Variants in CCDC106 observed in about 807,000 individuals in gnomAD.
The protein encoded by CCDC106 is coiled-coil domain-containing protein 106.
CCDC106 carries 17 observed loss-of-function variants against 24.7 expected under a neutral mutation model. That is an observed-to-expected ratio of 0.69 (90% CI 0.47 to 1.03). The LOEUF (loss-of-function observed/expected upper bound fraction) is 1.03, where lower values mean the gene tolerates loss of function less well. CCDC106 is among the 50% of genes least tolerant of loss of function. The probability of loss-of-function intolerance (pLI) is 0.00; values close to 1 mark genes in which losing one functional copy is unlikely to be tolerated. For missense variants in CCDC106, 337 were observed against 388.9 expected (o/e 0.87, Z 1.12); for synonymous variants, 211 against 161.3 (o/e 1.31, Z -2.34).
At position 55,651,173 on chromosome 19, in the gene CCDC106, A is replaced by G. The variant is rs1254695987; in HGVS notation, c.314-110A>G. On this transcript the variant is annotated intron_variant, in intron 3 of 4. Transcript: ENST00000586790. Reference sequence around the variant, plus strand: ...CCTTGTCTCTCTGTCTCTTTAGGGGACCAGCCCAGGTTGGGGGATCCAGTT... The same window carrying G: ...CCTTGTCTCTCTGTCTCTTTAGGGGGCCAGCCCAGGTTGGGGGATCCAGTT... 3 of 835,746 alleles carry G rather than the reference A, an allele frequency of 3.6e-6. No individual in the cohort carries two copies. In the Admixed American group the frequency reaches 5.5e-5, roughly 15 times the overall value. 51.8% of individuals were successfully genotyped at this position (835,746 alleles called of 1,614,324 possible). A position where few individuals can be genotyped will look rare whatever the true frequency, so the allele number is the denominator to read the frequency against.
Position 55,651,819 on chromosome 19 carries a change from G to A in CCDC106, c.526+324G>A, listed in dbSNP as rs553746744. Reference sequence around the variant, plus strand: ...TGGGACTACAGGCACCCGCCACCACGCCTGGCTAATTTTTTGTATTTTTAG... The same window carrying A: ...TGGGACTACAGGCACCCGCCACCACACCTGGCTAATTTTTTGTATTTTTAG... On this transcript the variant is annotated intron_variant, in intron 4 of 4. Coordinates refer to ENST00000586790, the MANE Select transcript of CCDC106 (RefSeq NM_001370470.1). Among the ~76,000 whole-genome samples the A allele has an allele frequency of 8.7e-4, 133 of 152,080 alleles. 2 individuals are homozygous for A. The highest frequency in any genetic ancestry group is 1.2e-3 in the Non-Finnish European group (82 of 67,966).
chr19:55,652,987 A>C lies in CCDC106; in HGVS notation c.*241A>C. ...TCGCCGGGCCCCTTCCTCCTGGAAA[A>C]CCAGGCAGGCGGGTGCCCCCCCCTC... On this transcript the variant is annotated 3_prime_UTR_variant, in exon 5 of 5. Transcript: ENST00000586790. This position sits in a 1 kb window ranked among gnomAD's most constrained non-coding sequence, Gnocchi z 5.9. The C allele has an allele frequency of 8.4e-6, 4 of 478,342 alleles. No individual in the cohort carries two copies. The highest frequency in any genetic ancestry group is 3.7e-5 in the East Asian group (1 of 27,098). The allele number at this position is 478,342 out of a possible 1,614,324, so 29.6% of individuals were successfully genotyped here.
Position 55,652,415 on chromosome 19 carries a change from G to A in CCDC106, c.527-15G>A. The A allele has an allele frequency of 1.9e-6, 3 of 1,575,330 alleles. No individual in the cohort carries two copies. Among genetic ancestry groups the A allele is most frequent in the Admixed American group, 1.8e-5 (1 of 56,676 alleles). ...CCCTGCCCCTCACTTTCGTGTCCCCGCCTCCACCCCTCAGTGAAGGACGCC... is the reference window on the plus strand; with the variant it reads ...CCCTGCCCCTCACTTTCGTGTCCCCACCTCCACCCCTCAGTGAAGGACGCC... On this transcript the variant is annotated splice_polypyrimidine_tract_variant and intron_variant, in intron 4 of 4. Transcript: ENST00000586790. This position sits in a 1 kb window ranked among gnomAD's most constrained non-coding sequence, Gnocchi z 5.9.
chr19:55,648,866 C>T lies in CCDC106; in HGVS notation c.-181C>T. On this transcript the variant is annotated 5_prime_UTR_variant, in exon 1 of 5. Coordinates refer to ENST00000586790, the MANE Select transcript of CCDC106 (RefSeq NM_001370470.1). Reference sequence around the variant, plus strand: ...AAGCCCAGGCGCGTTTTGCCTCAGTCCTGGGGTCCAGGCTCCCTCCTCCCT... The same window carrying T: ...AAGCCCAGGCGCGTTTTGCCTCAGTTCTGGGGTCCAGGCTCCCTCCTCCCT... The T allele has an allele frequency of 2.9e-6, 2 of 698,156 alleles. No homozygotes were observed. The highest frequency in any genetic ancestry group is 2.5e-6 in the Non-Finnish European group (1 of 398,602). 43.2% of individuals were successfully genotyped at this position (698,156 alleles called of 1,614,324 possible). A position where few individuals can be genotyped will look rare whatever the true frequency, so the allele number is the denominator to read the frequency against.
Position 55,648,934 on chromosome 19 carries a change from C to T in CCDC106, c.-113C>T. 2.8e-6 allele frequency: 3 copies of T among 1,059,372 alleles called. No homozygotes were observed. Among genetic ancestry groups the T allele is most frequent in the South Asian group, 2.5e-5 (2 of 78,476 alleles). The allele number at this position is 1,059,372 out of a possible 1,614,324, so 65.6% of individuals were successfully genotyped here. A position where few individuals can be genotyped will look rare whatever the true frequency, so the allele number is the denominator to read the frequency against. The stretch of plus-strand genomic sequence containing the variant: ...CCAGAAGGTCCCTCCTGTCTCACTT[C>T]ACCTCCCCCAGGATGGACCCTCCAG... On this transcript the variant is annotated 5_prime_UTR_variant, in exon 1 of 5. Coordinates refer to ENST00000586790, the MANE Select transcript of CCDC106 (RefSeq NM_001370470.1).
Position 55,649,241 on chromosome 19 carries a change from T to G in CCDC106, c.68T>G (p.Phe23Cys). The G allele has an allele frequency of 6.2e-7, 1 of 1,614,074 alleles. No individual in the cohort carries two copies. Among genetic ancestry groups the G allele is most frequent in the Non-Finnish European group, 8.5e-7 (1 of 1,179,986 alleles). The stretch of plus-strand genomic sequence containing the variant: ...GAGACCTTCGAGATCTCCATTCCCT[T>G]CGATGAGGCACCCCACCTAGACCCA... Reference protein sequence around the residue: ...DDETFEISIPFDEAPHLDPQI... With the variant: ...DDETFEISIPCDEAPHLDPQI... The change falls in exon 2 of 5, where the codon TTC (phenylalanine) becomes TGC (cysteine). Residue 23 changes from phenylalanine to cysteine, a missense_variant. Coordinates refer to ENST00000586790, the MANE Select transcript of CCDC106 (RefSeq NM_001370470.1).
chr19:55,651,589 C>G, intron 4 of CCDC106, 94 bp downstream of exon 4: 1 of 881,112 alleles, frequency 1.1e-6, no homozygotes, highest in Non-Finnish European at 1.7e-6. Context: ...CCAAGCCCCT[C>G]CAGCCTTGCT....
rs1238337288 is a variant in CCDC106 at position 55,652,407 on chromosome 19, G to C, written c.527-23G>C. The C allele has an allele frequency of 6.4e-7, 1 of 1,567,304 alleles. No homozygotes were observed. The highest frequency in any genetic ancestry group is 1.2e-5 in the South Asian group (1 of 86,014). On this transcript the variant is annotated intron_variant, in intron 4 of 4. Coordinates refer to ENST00000586790, the MANE Select transcript of CCDC106 (RefSeq NM_001370470.1). The surrounding 1 kb of genome is among the most constrained non-coding windows in gnomAD (Gnocchi z 5.9). ...GTCTTGTGCCCTGCCCCTCACTTTC[G>C]TGTCCCCGCCTCCACCCCTCAGTGA...
Position 55,652,720 on chromosome 19 carries a change from C to T in CCDC106, c.817C>T (p.Pro273Ser). Residue 273 changes from proline (P) to serine (S), a missense_variant, in exon 5 of 5, where the codon CCC (proline) becomes TCC (serine). This residue lies in a region of CCDC106 where 103 missense variants were observed against 152.4 expected (regional missense o/e 0.68). Coordinates refer to ENST00000586790, the MANE Select transcript of CCDC106 (RefSeq NM_001370470.1). The surrounding 1 kb of genome is among the most constrained non-coding windows in gnomAD (Gnocchi z 5.9). ...GCTCAAGAAGAGCAAGCTGCTGCTGCCCATCACCTACCGCTTCAAGCGGTG... is the reference window on the plus strand; with the variant it reads ...GCTCAAGAAGAGCAAGCTGCTGCTGTCCATCACCTACCGCTTCAAGCGGTG... ...QALKKSKLLL[P>S]ITYRFKR The T allele has an allele frequency of 6.2e-7, 1 of 1,612,478 alleles. No individual in the cohort carries two copies. Among genetic ancestry groups the T allele is most frequent in the East Asian group, 2.2e-5 (1 of 44,866 alleles).
Position 55,649,438 on chromosome 19 carries a change from C to A in CCDC106, c.167C>A (p.Ala56Asp), listed in dbSNP as rs140299128. ...CCGGAGGCTGCGTCCTCCGCCCTGG[C>A]TCTGATGAACAGCGTCAAGACCCAG... ...EPPEAASSAL[A>D]LMNSVKTQLH... Residue 56 changes from alanine (A) to aspartate (D), a missense_variant, in exon 3 of 5, where the codon GCT (alanine) becomes GAT (aspartate). Ala to Asp is a moderately radical substitution (Grantham distance 126, BLOSUM62 -2). This residue lies in a region of CCDC106 where 234 missense variants were observed against 236.5 expected (regional missense o/e 0.99). Coordinates refer to ENST00000586790, the MANE Select transcript of CCDC106 (RefSeq NM_001370470.1). 3 of 1,614,140 alleles carry A rather than the reference C, an allele frequency of 1.9e-6. No homozygotes were observed. In the Middle Eastern group the frequency reaches 4.9e-4, roughly 266 times the overall value.
rs1983023755 is a variant in CCDC106 at position 55,648,641 on chromosome 19, G to T, written c.-406G>T. The T allele has an allele frequency of 7.9e-6, 2 of 251,806 alleles. No homozygotes were observed. The allele number at this position is 251,806 out of a possible 1,614,324, so 15.6% of individuals were successfully genotyped here. ...TGCACCTGCCTCTTCCTTAGGCCTG[G>T]CAGTGGCCCGCGATGAGAGAGGGTC... On this transcript the variant is annotated 5_prime_UTR_variant, in exon 1 of 5. Coordinates refer to ENST00000586790, the MANE Select transcript of CCDC106 (RefSeq NM_001370470.1).
rs1600056435 is a variant in CCDC106 at position 55,649,705 on chromosome 19, G to A, written c.313+121G>A. 24 of 905,774 alleles carry A rather than the reference G, an allele frequency of 2.6e-5. No homozygotes were observed. The East Asian group carries it at 6.3e-4, about 24-fold the overall frequency. 56.1% of individuals were successfully genotyped at this position (905,774 alleles called of 1,614,324 possible). A position where few individuals can be genotyped will look rare whatever the true frequency, so the allele number is the denominator to read the frequency against. On this transcript the variant is annotated intron_variant, in intron 3 of 4. Coordinates refer to ENST00000586790, the MANE Select transcript of CCDC106 (RefSeq NM_001370470.1). ...GGGACCTGCCATGTTGGCCCTATCT[G>A]CTAGTCCCCTGCCTGTTTTGGGCCC...
In CCDC106 at chr19:55,652,814, C is replaced by T. The variant is rs954442144; in HGVS notation, c.*68C>T. 1.5e-6 allele frequency: 2 copies of T among 1,348,890 alleles called. No homozygotes were observed. The highest frequency in any genetic ancestry group is 2.1e-5 in the Admixed American group (1 of 47,950). The allele number at this position is 1,348,890 out of a possible 1,614,324, so 83.6% of individuals were successfully genotyped here. A position where few individuals can be genotyped will look rare whatever the true frequency, so the allele number is the denominator to read the frequency against. The stretch of plus-strand genomic sequence containing the variant: ...GTGGACCCCGGTGGATGACCTGCCC[C>T]TCTCCCCGCCGCGCCCCTGCCCCTC... On this transcript the variant is annotated 3_prime_UTR_variant, in exon 5 of 5. Transcript: ENST00000586790. The surrounding 1 kb of genome is among the most constrained non-coding windows in gnomAD (Gnocchi z 5.9).
Position 55,652,324 on chromosome 19 carries a change from C to G in CCDC106, c.527-106C>G, listed in dbSNP as rs1018578998. 2 of 998,084 alleles carry G rather than the reference C, an allele frequency of 2.0e-6. No homozygotes were observed. The highest frequency in any genetic ancestry group is 3.0e-6 in the Non-Finnish European group (2 of 671,514). 61.8% of individuals were successfully genotyped at this position (998,084 alleles called of 1,614,324 possible). A position where few individuals can be genotyped will look rare whatever the true frequency, so the allele number is the denominator to read the frequency against. On this transcript the variant is annotated intron_variant, in intron 4 of 4. Transcript: ENST00000586790. This position sits in a 1 kb window ranked among gnomAD's most constrained non-coding sequence, Gnocchi z 5.9. The stretch of plus-strand genomic sequence containing the variant: ...TCTCCACCTGCACCGGCCCGTGCCT[C>G]TGCTCGCCGAGATCCTTTCTTCCCA...
chr19:55,649,430 C>T lies in CCDC106; in HGVS notation c.159C>T (p.Ser53=), dbSNP rs765941141. 1.1e-4 allele frequency: 171 copies of T among 1,614,112 alleles called. 1 individual carries two copies. Among genetic ancestry groups the T allele is most frequent in the South Asian group, 6.7e-4 (61 of 91,086 alleles). The change falls in exon 3 of 5, where the codon TCC becomes TCT. Residue 53 remains serine, a synonymous_variant. Coordinates refer to ENST00000586790, the MANE Select transcript of CCDC106 (RefSeq NM_001370470.1). ...TAGAGCCTCCGGAGGCTGCGTCCTCCGCCCTGGCTCTGATGAACAGCGTCA... is the reference window on the plus strand; with the variant it reads ...TAGAGCCTCCGGAGGCTGCGTCCTCTGCCCTGGCTCTGATGAACAGCGTCA... The part of the protein sequence containing the change: ...NFEEPPEAAS[S]ALALMNSVKT...
At chr19:55,651,134 G>A (rs775901297) in intron 3 of CCDC106, 149 bp from the exon 4 acceptor site, 12 of 659,130 alleles carry the variant, frequency 1.8e-5, no homozygotes, top group East Asian at 1.4e-4. Context: ...AGCCACCAGC[G>A]TCTCTACCGT....
Position 55,652,429 on chromosome 19 carries a change from G to C in CCDC106, c.527-1G>C. Reference sequence around the variant, plus strand: ...TTCGTGTCCCCGCCTCCACCCCTCAGTGAAGGACGCCGACGGGGTCCTCTG... The same window carrying C: ...TTCGTGTCCCCGCCTCCACCCCTCACTGAAGGACGCCGACGGGGTCCTCTG... On this transcript the variant is annotated splice_acceptor_variant, in intron 4 of 4. Coordinates refer to ENST00000586790, the MANE Select transcript of CCDC106 (RefSeq NM_001370470.1). LOFTEE classifies it high-confidence loss of function. The surrounding 1 kb of genome is among the most constrained non-coding windows in gnomAD (Gnocchi z 5.9). The C allele has an allele frequency of 6.3e-7, 1 of 1,592,740 alleles. No individual in the cohort carries two copies.
intron 4 of CCDC106, among the ~76,000 whole-genome samples, 191 bp downstream of exon 4, chr19:55,651,686 T>C (rs369829533): frequency 3.3e-5 from 5 of 151,178 alleles, no homozygotes; most frequent in Middle Eastern, 3.4e-3. Flanking sequence ...GGGGGGGACG[T>C]CTTGCCCCGT....
At chr19:55,648,119 C>G (rs1189658334), upstream of CCDC106, 1 of 152,296 alleles carries the variant, frequency 6.6e-6, no homozygotes, top group African/African-American at 2.4e-5. Flanking sequence ...CGTCCCTGCC[C>G]GTTCCGTCGC....
Sources: gnomAD v4.1 joint callset for allele counts (sites outside exome capture counted in the v4.1 genomes callset) on GRCh38, gnomAD v4.1.1 for gene constraint, gnomAD v4.1.1 regional missense constraint, Gnocchi (gnomAD v3.1) non-coding constraint, MANE v1.5 for transcripts, NCBI Gene and HGNC (gene_info 2026-07-23, HGNC 2026-07-21) for gene names.